Variants in TPM4 observed in about 807,000 individuals in gnomAD.
TPM4 encodes the protein tropomyosin 4, also known as tropomyosin alpha-4 chain.
Under a neutral mutation model 35.8 loss-of-function variants are expected in TPM4, and 17 were observed. The ratio of observed to expected loss-of-function variants is 0.47; its 90% CI spans 0.32 to 0.71. The LOEUF is 0.71. Ranked by LOEUF, TPM4 falls within the 30% of genes least tolerant of loss-of-function variation. TPM4 has a pLI of 0.03. For missense variants in TPM4, 240 were observed against 320.9 expected, an observed-to-expected ratio of 0.75 and a Z score of 1.93; for synonymous variants, 120 against 122.9, an observed-to-expected ratio of 0.98 and a Z score of 0.15.
At chr19:16,096,571 T>C (rs1039533107) in intron 7 of TPM4, among the ~76,000 whole-genome samples, 2 of 152,150 alleles carry the variant, frequency 1.3e-5, no homozygotes, top group African/African-American at 4.8e-5. Context: ...TTGTGTCTTT[T>C]CTCTGTGTTA....
chr19:16,079,378 C>G (rs557046946), intron 1 of TPM4, among the ~76,000 whole-genome samples: 1 of 152,186 alleles, frequency 6.6e-6, no homozygotes, highest in African/African-American at 2.4e-5. Context: ...TTTGCAACAT[C>G]AGTTCCTGGC....
chr19:16,088,936 C>G, intron 4 of TPM4, 109 bp from the exon 5 acceptor site: 1 of 1,554,468 alleles, frequency 6.4e-7, no homozygotes, highest in Non-Finnish European at 8.7e-7. Flanking sequence ...TGCCCCCCAC[C>G]GGGGGAGCTG....
intron 2 of TPM4, among the ~76,000 whole-genome samples, chr19:16,083,051 A>G (rs1311614201): frequency 3.3e-5 from 5 of 149,794 alleles, no homozygotes; most frequent in African/African-American, 1.2e-4. Flanking sequence ...GAAACTTGGG[A>G]TGCACAGGTG....
rs190096849 is a variant in TPM4, at chr19:16,089,491, T to A, written c.531+371T>A. Among the ~76,000 whole-genome samples the A allele has an allele frequency of 7.2e-5, 11 of 152,298 alleles. No individual in the cohort carries two copies. The East Asian group carries it at 2.1e-3, about 29-fold the overall frequency. On this transcript the variant is annotated intron_variant, in intron 5 of 7. Transcript: ENST00000643579. ...GTATAGCAATGATCAGAGGTGGAAT[T>A]GGGCTTTTTAGTTTGAAACAGCACC...
Position 16,081,972 on chromosome 19 carries a change from C to A in TPM4, c.192C>A (p.Asp64Glu). The A allele has an allele frequency of 6.2e-7, 1 of 1,611,102 alleles. No individual in the cohort carries two copies. The highest frequency in any genetic ancestry group is 1.3e-5 in the African/African-American group (1 of 74,984). ...RRIQLVEEEL[D>E]RAQERLATAL... ...TCCAGCTCGTTGAGGAGGAGTTGGA[C>A]AGGGCTCAGGAACGACTGGCCACGG... Residue 64 changes from aspartate (D) to glutamate (E), a missense_variant, in exon 2 of 8, where the codon GAC (aspartate) becomes GAA (glutamate). Coordinates refer to ENST00000643579, the MANE Select transcript of TPM4 (RefSeq NM_003290.3).
At chr19:16,068,498 C>T (rs921448095) in intron 2 of TPM4, among the ~76,000 whole-genome samples, 1 of 151,250 alleles carries the variant, frequency 6.6e-6, no homozygotes, top group African/African-American at 2.4e-5. Flanking sequence ...TTGAGCAATT[C>T]TCTGTGTGTG....
At chr19:16,073,710 G>C (rs1455104025), upstream of TPM4, among the ~76,000 whole-genome samples, 1 of 151,938 alleles carries the variant, frequency 6.6e-6, no homozygotes, top group East Asian at 1.9e-4. Flanking sequence ...CTCAGCTAGA[G>C]ACCCTTGCAG....
At chr19:16,069,860 A>G (rs2090339508) in intron 2 of TPM4, among the ~76,000 whole-genome samples, 1 of 151,634 alleles carries the variant, frequency 6.6e-6, no homozygotes, top group Non-Finnish European at 1.5e-5. Context: ...GCGTGTGCAT[A>G]TGGATGTGAG....
At chr19:16,090,106 C>T (rs372901086) in intron 5 of TPM4, among the ~76,000 whole-genome samples, 58 of 152,048 alleles carry the variant, frequency 3.8e-4, no homozygotes, top group African/African-American at 8.0e-4. Flanking sequence ...GCTGGGATTA[C>T]AGGCATGACC....
chr19:16,086,661 T>C, intron 3 of TPM4, 121 bp downstream of exon 3: 7 of 757,800 alleles, frequency 9.2e-6, no homozygotes, highest in Non-Finnish European at 1.5e-5. Context: ...TCCTCCTGCG[T>C]GAACATATGT....
intron 5 of TPM4, among the ~76,000 whole-genome samples, chr19:16,089,685 T>C (rs1263694912): frequency 3.3e-5 from 5 of 150,688 alleles, no homozygotes; most frequent in Admixed American, 1.3e-4. Flanking sequence ...TTTTTTTTTT[T>C]TGAGACAGAG....
At chr19:16,080,273 T>G (rs2090467019) in intron 1 of TPM4, 1 of 206,818 alleles carries the variant, frequency 4.8e-6, no homozygotes, top group Admixed American at 5.9e-5. Flanking sequence ...TAAAACCACT[T>G]CCCCCAGTGG....
At position 16,082,095 on chromosome 19, in the gene TPM4, G is replaced by A. The variant is rs763190562; in HGVS notation, c.266+49G>A. On this transcript the variant is annotated intron_variant, in intron 2 of 7. Transcript: ENST00000643579. ...GCATCCGTGTTTGCTTTTAGAAAAT[G>A]GGGATCATGCTGCCGACCTCGCAGA... is the stretch of plus-strand genomic sequence containing the variant. 12 of 1,567,894 alleles carry A rather than the reference G, an allele frequency of 7.7e-6. 1 individual carries two copies.
chr19:16,067,919 G>C lies in TPM4; in HGVS notation c.114+181G>C, dbSNP rs1013046743. 1.5e-5 allele frequency: 9 copies of C among 582,690 alleles called. No homozygotes were observed. Among genetic ancestry groups the C allele is most frequent in the Non-Finnish European group, 2.6e-5 (9 of 345,392 alleles). 36.1% of individuals were successfully genotyped at this position (582,690 alleles called of 1,614,324 possible). A position where few individuals can be genotyped will look rare whatever the true frequency, so the allele number is the denominator to read the frequency against. ...TGGATGGGGTCCTGGGCTGGAAGAG[G>C]GGTGACGATCGGACCCACCCCCAGC... On this transcript the variant is annotated intron_variant, in intron 2 of 2. Coordinates refer to the TPM4 transcript ENST00000589897. This position sits in a 1 kb window ranked among gnomAD's most constrained non-coding sequence, Gnocchi z 4.1.
upstream of TPM4, chr19:16,074,944 T>TA (rs1274341056): frequency 1.3e-5 from 2 of 152,032 alleles, no homozygotes; most frequent in Non-Finnish European, 2.9e-5. Flanking sequence ...ATACAAAAAT[T>TA]AGTCAGTCGT....
At chr19:16,077,391 A>G (rs1209488916) in intron 1 of TPM4, 5 of 152,054 alleles carry the variant, frequency 3.3e-5, no homozygotes, top group African/African-American at 9.7e-5. Flanking sequence ...GGCCCCGGGA[A>G]CGCTGGCGCG....
At chr19:16,092,569 C>T (rs1432313049) in intron 5 of TPM4, among the ~76,000 whole-genome samples, 1 of 151,480 alleles carries the variant, frequency 6.6e-6, no homozygotes, top group Non-Finnish European at 1.5e-5. Flanking sequence ...GAGTCTCACT[C>T]CATCGCCCCA....
chr19:16,082,212 G>A (rs1428883194), intron 2 of TPM4, among the ~76,000 whole-genome samples, 166 bp downstream of exon 2: 1 of 152,204 alleles, frequency 6.6e-6, no homozygotes, highest in Admixed American at 6.5e-5. Context: ...TCCATGGGTA[G>A]AGATGTTTAT....
At chr19:16,081,756 C>A in intron 1 of TPM4, 157 bp from the exon 2 acceptor site, 1 of 976,700 alleles carries the variant, frequency 1.0e-6, no homozygotes, top group Non-Finnish European at 1.4e-6. Context: ...GAAGATCATA[C>A]TGAAATTTTG....
Sources: gnomAD v4.1 joint callset for allele counts (sites outside exome capture counted in the v4.1 genomes callset) on GRCh38, gnomAD v4.1.1 for gene constraint, Gnocchi (gnomAD v3.1) non-coding constraint, MANE v1.5 for transcripts, NCBI Gene and HGNC (gene_info 2026-07-23, HGNC 2026-07-21) for gene names.